The following PRRC2B variants were observed in gnomAD, a reference collection of about 807,000 sequenced individuals.
PRRC2B encodes the protein proline rich coiled-coil 2B, also known as protein PRRC2B.
In PRRC2B, 68 loss-of-function variants were observed where a neutral mutation model predicts 242.3. That is an observed-to-expected ratio of 0.28 (90% CI 0.23 to 0.34). The LOEUF (loss-of-function observed/expected upper bound fraction) is 0.34. Ranked by LOEUF, PRRC2B falls within the 10% of genes least tolerant of loss-of-function variation. The probability of loss-of-function intolerance (pLI) is 1.00; values close to 1 mark genes in which losing one functional copy is unlikely to be tolerated. For synonymous variants in PRRC2B, 1,228 were observed against 1,173.6 expected (o/e 1.05, Z -0.95); for missense variants, 2,835 against 2,954.8 (o/e 0.96, Z 0.94).
intron 1 of PRRC2B, among the ~76,000 whole-genome samples, chr9:131,398,319 C>G (rs904528216): frequency 4.6e-5 from 7 of 152,202 alleles, no homozygotes; most frequent in African/African-American, 1.4e-4. Context: ...CTCAGCTGTA[C>G]TTGTTGGTTT....
chr9:131,458,207 C>T (rs374816653), intron 10 of PRRC2B, among the ~76,000 whole-genome samples: 2 of 152,178 alleles, frequency 1.3e-5, no homozygotes, highest in East Asian at 1.9e-4. Context: ...TTTTGAGGGG[C>T]ATTTATTGAG....
At chr9:131,407,877 A>G (rs1837407323) in intron 1 of PRRC2B, among the ~76,000 whole-genome samples, 1 of 152,142 alleles carries the variant, frequency 6.6e-6, no homozygotes, top group Non-Finnish European at 1.5e-5. Flanking sequence ...AGGGGGTGAT[A>G]GTAAGGACAG....
intron 31 of PRRC2B, 47 bp from the exon 32 acceptor site, chr9:131,495,693 G>C (rs114841866): frequency 1.3e-6 from 2 of 1,583,316 alleles, no homozygotes; most frequent in Admixed American, 3.4e-5. Flanking sequence ...ATCCAAACAC[G>C]TTTCAGCGTC....
At chr9:131,379,313 G>A (rs777427290) in intron 1 of PRRC2B, among the ~76,000 whole-genome samples, 2 of 152,164 alleles carry the variant, frequency 1.3e-5, no homozygotes, top group Non-Finnish European at 2.9e-5. Context: ...ATATCCAGGA[G>A]TAGAATTTCT....
chr9:131,476,752 G>T (rs1242729672), intron 16 of PRRC2B, among the ~76,000 whole-genome samples: 1 of 143,328 alleles, frequency 7.0e-6, no homozygotes, highest in Non-Finnish European at 1.5e-5. Flanking sequence ...CCACCCCAGT[G>T]GTGCTCTTGA....
chr9:131,459,679 A>G (rs1943185795), intron 11 of PRRC2B, among the ~76,000 whole-genome samples: 1 of 151,254 alleles, frequency 6.6e-6, no homozygotes, highest in Non-Finnish European at 1.5e-5. Flanking sequence ...AGCTGGGACT[A>G]CCTGTGTGCT....
chr9:131,467,720 C>T lies in PRRC2B; in HGVS notation c.1878C>T (p.Pro626=), dbSNP rs1177856854. 2.5e-6 allele frequency: 4 copies of T among 1,613,972 alleles called. No individual in the cohort carries two copies. The highest frequency in any genetic ancestry group is 3.4e-6 in the Non-Finnish European group (4 of 1,179,882). ...QEFKYQKSLP[P]RFQRQQQQQQ... ...TCAAGTATCAGAAGTCCCTTCCTCC[C>T]CGATTCCAGCGCCAGCAGCAGCAAC... Residue 626 remains proline, a synonymous_variant, in exon 13 of 32, where the codon CCC becomes CCT. Coordinates refer to ENST00000683519, the MANE Select transcript of PRRC2B (RefSeq NM_013318.4).
In PRRC2B at chr9:131,482,984, G is replaced by C; in HGVS notation, c.5373+77G>C. On this transcript the variant is annotated intron_variant, in intron 22 of 31. Coordinates refer to ENST00000683519, the MANE Select transcript of PRRC2B (RefSeq NM_013318.4). The surrounding 1 kb of genome is among the most constrained non-coding windows in gnomAD (Gnocchi z 5.2). Reference sequence around the variant, plus strand: ...ACTTGGAGAGGCTGGGGGCTCAGATGGGATTGTCTCCTAGAAGGAATAGAA... The same window carrying C: ...ACTTGGAGAGGCTGGGGGCTCAGATCGGATTGTCTCCTAGAAGGAATAGAA... 1 of 1,495,248 alleles carries C rather than the reference G, an allele frequency of 6.7e-7. No individual in the cohort carries two copies. The highest frequency in any genetic ancestry group is 9.1e-7 in the Non-Finnish European group (1 of 1,099,404). 92.6% of individuals were successfully genotyped at this position (1,495,248 alleles called of 1,614,324 possible).
chr9:131,492,916 C>T (rs1944236293), intron 30 of PRRC2B, among the ~76,000 whole-genome samples: 1 of 152,226 alleles, frequency 6.6e-6, no homozygotes. Flanking sequence ...AGGGCTTGTA[C>T]AGTCCACCCT....
At chr9:131,373,652 C>T (rs1836642049) in exon 1 of PRRC2B, 1 of 152,250 alleles carries the variant, frequency 6.6e-6, no homozygotes, top group South Asian at 2.1e-4. Context: ...ACAGGCCCCG[C>T]CTTCCGCTCT....
At chr9:131,489,491 A>G (rs1198603330) in intron 28 of PRRC2B, among the ~76,000 whole-genome samples, 2 of 151,614 alleles carry the variant, frequency 1.3e-5, no homozygotes, top group Non-Finnish European at 2.9e-5. Flanking sequence ...TCTGCCACCC[A>G]TGTTTTTGTC....
chr9:131,426,967 A>G (rs1447547902), intron 1 of PRRC2B, among the ~76,000 whole-genome samples: 4 of 152,162 alleles, frequency 2.6e-5, no homozygotes, highest in African/African-American at 4.8e-5. Flanking sequence ...TAAGTAACCA[A>G]CCAGCATGGC....
intron 2 of PRRC2B, among the ~76,000 whole-genome samples, chr9:131,431,307 T>G (rs567975644): frequency 6.6e-6 from 1 of 151,876 alleles, no homozygotes; most frequent in African/African-American, 2.4e-5. Flanking sequence ...ATTTTTTGTA[T>G]TTTTAGTAGA....
At chr9:131,429,556 A>G (rs1046118837) in intron 1 of PRRC2B, among the ~76,000 whole-genome samples, 1 of 152,064 alleles carries the variant, frequency 6.6e-6, no homozygotes, top group African/African-American at 2.4e-5. Flanking sequence ...TTTATTTTGA[A>G]AAGTGTATAT....
chr9:131,389,540 C>G (rs1836871537), upstream of PRRC2B, among the ~76,000 whole-genome samples: 1 of 150,666 alleles, frequency 6.6e-6, no homozygotes, highest in Admixed American at 6.9e-5. Flanking sequence ...TTTTCTTCCT[C>G]TGACACCTTG....
chr9:131,405,945 C>T (rs1203414901), intron 1 of PRRC2B, among the ~76,000 whole-genome samples: 1 of 152,174 alleles, frequency 6.6e-6, no homozygotes, highest in African/African-American at 2.4e-5. Flanking sequence ...CCATTCTCTT[C>T]CTCTGCAAAA....
At chr9:131,400,305 G>A (rs1837194034) in intron 1 of PRRC2B, among the ~76,000 whole-genome samples, 1 of 150,788 alleles carries the variant, frequency 6.6e-6, no homozygotes, top group Non-Finnish European at 1.5e-5. Flanking sequence ...CAGGCTGTTT[G>A]TTTTTCTTTT....
intron 15 of PRRC2B, 104 bp downstream of exon 15, chr9:131,473,828 G>C (rs970255428): frequency 1.2e-6 from 1 of 809,328 alleles, no homozygotes; most frequent in African/African-American, 1.7e-5. Context: ...CACTGCCCAC[G>C]GGAGACGTGC....
intron 2 of PRRC2B, among the ~76,000 whole-genome samples, chr9:131,431,058 C>G (rs796965491): frequency 1.3e-5 from 2 of 151,568 alleles, no homozygotes; most frequent in Admixed American, 6.6e-5. Context: ...TCAAGTGATT[C>G]TCCTGCCTCA....
Sources: gnomAD v4.1 joint callset for allele counts (sites outside exome capture counted in the v4.1 genomes callset) on GRCh38, gnomAD v4.1.1 for gene constraint, Gnocchi (gnomAD v3.1) non-coding constraint, MANE v1.5 for transcripts, NCBI Gene and HGNC (gene_info 2026-07-23, HGNC 2026-07-21) for gene names.